The following MYCBP2 variants were observed in gnomAD, a reference collection of about 807,000 sequenced individuals.
The protein encoded by MYCBP2 is MYC binding protein 2.
A neutral mutation model predicts 525.3 loss-of-function variants in MYCBP2; 120 were observed. The ratio of observed to expected loss-of-function variants is 0.23; its 90% CI spans 0.20 to 0.27. The LOEUF (loss-of-function observed/expected upper bound fraction) is 0.27, where lower values mean the gene tolerates loss of function less well. MYCBP2 is among the 10% of genes least tolerant of loss of function. The pLI, the probability that MYCBP2 is intolerant of heterozygous loss-of-function variation, is 1.00. For synonymous variants in MYCBP2, 1,894 were observed against 1,955.8 expected (o/e 0.97, Z 0.83); for missense variants, 4,149 against 5,657.1 (o/e 0.73, Z 8.55).
intron 32 of MYCBP2, among the ~76,000 whole-genome samples, chr13:77,183,644 C>T (rs148144092): frequency 8.3e-4 from 124 of 148,896 alleles, no homozygotes; most frequent in Non-Finnish European, 1.4e-3. Context: ...CTTCACCTCC[C>T]GCCTTCAAGC....
rs751588239 is a variant in MYCBP2, at chr13:77,117,250, ACATT to A, written c.8140+4119_8140+4122del. ...TTCTTTGAAATTCTTCTCTTAATAG[ACATT>A]CAAATTAATATTATACATGAACGAA... On this transcript the variant is annotated intron_variant, in intron 55 of 82. Transcript: ENST00000544440. Among the ~76,000 whole-genome samples, 250 of 152,218 alleles carry A rather than the reference ACATT, an allele frequency of 1.6e-3. 2 individuals carry two copies. The highest frequency in any genetic ancestry group is 6.8e-3 in the Middle Eastern group (2 of 294).
chr13:77,245,558 A>T (rs1038532584), intron 15 of MYCBP2, among the ~76,000 whole-genome samples: 4 of 150,434 alleles, frequency 2.7e-5, no homozygotes, highest in African/African-American at 9.8e-5. Context: ...TTGAACAATG[A>T]GAACACATGG....
chr13:77,276,769 C>T (rs570553137), intron 4 of MYCBP2, among the ~76,000 whole-genome samples: 110 of 147,648 alleles, frequency 7.5e-4, no homozygotes, highest in African/African-American at 1.9e-3. Context: ...TGGGCTCGAG[C>T]GGTCCTCCCA....
At chr13:77,078,583 T>A (rs939310267) in intron 66 of MYCBP2, among the ~76,000 whole-genome samples, 1 of 152,140 alleles carries the variant, frequency 6.6e-6, no homozygotes, top group Non-Finnish European at 1.5e-5. Flanking sequence ...GTAGGGAGAC[T>A]GTAGGTACAA....
Position 77,115,574 on chromosome 13 carries a change from A to C in MYCBP2, c.8140+5799T>G, listed in dbSNP as rs557492922. ...TAATTTAAAAATTACCAAATATTCT[A>C]TTTTATGGAATAAAATGTTGCCTGA... On this transcript the variant is annotated intron_variant, in intron 55 of 82. Coordinates refer to ENST00000544440, the MANE Select transcript of MYCBP2 (RefSeq NM_015057.5). Among the ~76,000 whole-genome samples the C allele has an allele frequency of 3.9e-5, 6 of 151,984 alleles. No homozygotes were observed. In the East Asian group the frequency reaches 9.7e-4, roughly 24 times the overall value.
intron 66 of MYCBP2, chr13:77,078,005 T>C (rs913274093): frequency 6.6e-6 from 1 of 152,222 alleles, no homozygotes; most frequent in African/African-American, 2.4e-5. Flanking sequence ...AAATAAAAAC[T>C]GTTCTTATGG....
chr13:77,112,557 C>T (rs939020320), intron 55 of MYCBP2, among the ~76,000 whole-genome samples: 3 of 151,728 alleles, frequency 2.0e-5, no homozygotes, highest in Non-Finnish European at 2.9e-5. Flanking sequence ...TCTCAAGTAG[C>T]TAGGATTACA....
chr13:77,270,581 T>C, intron 5 of MYCBP2, 43 bp from the exon 6 acceptor site: 1 of 1,535,996 alleles, frequency 6.5e-7, no homozygotes, highest in Non-Finnish European at 8.8e-7. Context: ...CATTTTTAAA[T>C]GTTACAAACA....
In MYCBP2 at chr13:77,067,793, T is replaced by C; in HGVS notation, c.12243A>G (p.Lys4081=). Residue 4081 remains lysine, a synonymous_variant, in exon 71 of 83, where the codon AAA becomes AAG. Transcript: ENST00000544440. ...PSRLASIIGV[K]SLPPADISDI... is the part of the protein sequence containing the mutation. ...CACTGATATCTGCTGGGGGGAGGGA[T>C]TTCACTCCTATGATGCTGGCCAGAC... 2 of 1,614,038 alleles carry C rather than the reference T, an allele frequency of 1.2e-6. No individual in the cohort carries two copies. Among genetic ancestry groups the C allele is most frequent in the Non-Finnish European group, 1.7e-6 (2 of 1,179,964 alleles).
intron 52 of MYCBP2, among the ~76,000 whole-genome samples, chr13:77,137,646 T>C (rs1298465034): frequency 6.6e-6 from 1 of 152,158 alleles, no homozygotes; most frequent in Non-Finnish European, 1.5e-5. Flanking sequence ...TGGAGTGCAG[T>C]GGCGTGATCT....
At position 77,087,521 on chromosome 13, in the gene MYCBP2, T is replaced by C. The variant is rs772528208; in HGVS notation, c.10838A>G (p.Asp3613Gly). Reference protein sequence around the residue: ...PAPVEPEEEEDEENKTSKENS... With the variant: ...PAPVEPEEEEGEENKTSKENS... ...TTCTTTGCTTGTTTTATTTTCTTCATCCTCTTCTTCCTCTGGTTCCACTGG... is the reference window on the plus strand; with the variant it reads ...TTCTTTGCTTGTTTTATTTTCTTCACCCTCTTCTTCCTCTGGTTCCACTGG... Residue 3613 changes from aspartate to glycine, a missense_variant, in exon 62 of 83, where the codon GAT (aspartate) becomes GGT (glycine). Asp to Gly is a moderately conservative substitution (Grantham distance 94, BLOSUM62 -1). Transcript: ENST00000544440. 4.3e-6 allele frequency: 7 copies of C among 1,612,828 alleles called. No individual in the cohort carries two copies. In the Admixed American group the frequency reaches 8.4e-5, roughly 19 times the overall value.
At chr13:77,310,348 C>T (rs2080028827) in intron 1 of MYCBP2, among the ~76,000 whole-genome samples, 2 of 152,140 alleles carry the variant, frequency 1.3e-5, no homozygotes, top group South Asian at 4.1e-4. Context: ...CAACGATTAC[C>T]ACCTACTCAG....
chr13:77,199,484 C>T (rs2062192905), intron 26 of MYCBP2, among the ~76,000 whole-genome samples: 1 of 152,256 alleles, frequency 6.6e-6, no homozygotes, highest in Non-Finnish European at 1.5e-5. Flanking sequence ...CGCCATTGCC[C>T]AGGCTTGCTT....
At chr13:77,169,035 C>T (rs541605248) in intron 39 of MYCBP2, among the ~76,000 whole-genome samples, 2 of 152,212 alleles carry the variant, frequency 1.3e-5, no homozygotes, top group South Asian at 2.1e-4. Flanking sequence ...TGTGAAAAAC[C>T]TCAGTTAACA....
chr13:77,284,350 G>T (rs2076516717), intron 3 of MYCBP2, among the ~76,000 whole-genome samples: 1 of 152,144 alleles, frequency 6.6e-6, no homozygotes. Flanking sequence ...TAGGATAATA[G>T]CAGCATTTGG....
chr13:77,168,757 C>G lies in MYCBP2; in HGVS notation c.5896-111G>C, dbSNP rs2058803984. The G allele has an allele frequency of 4.2e-6, 4 of 950,380 alleles. 1 individual carries two copies. The South Asian group carries it at 6.8e-5, about 16-fold the overall frequency. 58.9% of individuals were successfully genotyped at this position (950,380 alleles called of 1,614,324 possible). A position where few individuals can be genotyped will look rare whatever the true frequency, so the allele number is the denominator to read the frequency against. ...TAATAACAATTTCCATCTAAATTTT[C>G]CACTAGTTAAGTTTTTGTCCAAAGA... On this transcript the variant is annotated intron_variant, in intron 39 of 82. Coordinates refer to ENST00000544440, the MANE Select transcript of MYCBP2 (RefSeq NM_015057.5).
chr13:77,136,067 T>C lies in MYCBP2; in HGVS notation c.7659+3129A>G, dbSNP rs112902293. On this transcript the variant is annotated intron_variant, in intron 52 of 82. Coordinates refer to ENST00000544440, the MANE Select transcript of MYCBP2 (RefSeq NM_015057.5). The stretch of plus-strand genomic sequence containing the variant: ...AACTGCTAACCTTGTGATCCACCCG[T>C]CTTGGCCTCCCAAAGTGCTGGCATA... Among the ~76,000 whole-genome samples, 310 of 152,236 alleles carry C rather than the reference T, an allele frequency of 2.0e-3. 2 individuals are homozygous for C. Among genetic ancestry groups the C allele is most frequent in the African/African-American group, 5.5e-3 (227 of 41,552 alleles).
At chr13:77,319,942 A>C (rs1230661074) in intron 1 of MYCBP2, among the ~76,000 whole-genome samples, 1 of 152,178 alleles carries the variant, frequency 6.6e-6, no homozygotes, top group African/African-American at 2.4e-5. Flanking sequence ...GCACACCGGA[A>C]GTTTATTGCG....
chr13:77,139,428 G>T, intron 51 of MYCBP2, 92 bp from the exon 52 acceptor site: 1 of 1,389,406 alleles, frequency 7.2e-7, no homozygotes, highest in Non-Finnish European at 9.8e-7. Flanking sequence ...GAAAAATGAT[G>T]GTGCATGTGC....
Sources: gnomAD v4.1 joint callset for allele counts (sites outside exome capture counted in the v4.1 genomes callset) on GRCh38, gnomAD v4.1.1 for gene constraint, MANE v1.5 for transcripts, NCBI Gene and HGNC (gene_info 2026-07-23, HGNC 2026-07-21) for gene names.